SYT1: variants seen among roughly 807,000 people sequenced by gnomAD.
SYT1 encodes the protein synaptotagmin 1.
Under a neutral mutation model 44.8 loss-of-function variants are expected in SYT1, and 8 were observed. The ratio of observed to expected loss-of-function variants is 0.18; its 90% CI spans 0.10 to 0.32. The LOEUF (loss-of-function observed/expected upper bound fraction) is 0.32, where lower values mean the gene tolerates loss of function less well. SYT1 is among the 10% of genes least tolerant of loss of function. The probability of loss-of-function intolerance (pLI) is 1.00; values close to 1 mark genes in which losing one functional copy is unlikely to be tolerated. For missense variants in SYT1, 286 were observed against 509.3 expected (o/e 0.56, Z 4.22); for synonymous variants, 154 against 188.8 (o/e 0.82, Z 1.51).
chr12:79,106,066 A>C (rs1358323157), intron 3 of SYT1, among the ~76,000 whole-genome samples: 1 of 152,124 alleles, frequency 6.6e-6, no homozygotes, highest in Non-Finnish European at 1.5e-5. Flanking sequence ...AACCAGTTTG[A>C]GTCAGAAGAA....
intron 3 of SYT1, among the ~76,000 whole-genome samples, chr12:79,114,584 G>A (rs1879180530): frequency 6.6e-6 from 1 of 152,082 alleles, no homozygotes; most frequent in Admixed American, 6.6e-5. Flanking sequence ...ATCCAACTTT[G>A]GAGAAATTCC....
chr12:78,898,195 G>A (rs1382063935), intron 1 of SYT1, among the ~76,000 whole-genome samples: 2 of 151,942 alleles, frequency 1.3e-5, no homozygotes, highest in East Asian at 3.9e-4. Context: ...TGTAAAATTG[G>A]AATAAGACTA....
chr12:78,912,032 C>T (rs1005140386), intron 1 of SYT1, among the ~76,000 whole-genome samples: 4 of 151,818 alleles, frequency 2.6e-5, no homozygotes, highest in Non-Finnish European at 5.9e-5. Context: ...CATGACTTCC[C>T]AGGTGAGTTT....
At chr12:79,007,178 T>C (rs1257250941) in intron 2 of SYT1, among the ~76,000 whole-genome samples, 1 of 152,078 alleles carries the variant, frequency 6.6e-6, no homozygotes, top group Non-Finnish European at 1.5e-5. Flanking sequence ...CTCAAAATTA[T>C]GTGAGGGGAA....
rs549391359 is a variant in SYT1, at chr12:79,176,409, G to A, written c.-17-41094G>A. On this transcript the variant is annotated intron_variant, in intron 3 of 10. Transcript: ENST00000261205. ...AGAGATCTAATGTTACCCAGACCGA[G>A]TGGCAAAACTGAAGATAATGACCAC... Among the ~76,000 whole-genome samples the A allele has an allele frequency of 5.9e-5, 9 of 152,100 alleles. No homozygotes were observed. In the South Asian group the frequency reaches 1.9e-3, roughly 32 times the overall value.
intron 9 of SYT1, among the ~76,000 whole-genome samples, chr12:79,358,089 G>C (rs1883181569): frequency 6.6e-6 from 1 of 152,082 alleles, no homozygotes. Flanking sequence ...CTCAAGTTTG[G>C]TGTTTTGTTT....
intron 8 of SYT1, among the ~76,000 whole-genome samples, chr12:79,350,409 T>C (rs1461401842): frequency 6.6e-6 from 1 of 151,902 alleles, no homozygotes; most frequent in Non-Finnish European, 1.5e-5. Flanking sequence ...CCCGCCACCA[T>C]GCCCGGCTAA....
chr12:78,993,265 A>G (rs1870143723), intron 2 of SYT1, among the ~76,000 whole-genome samples: 1 of 152,190 alleles, frequency 6.6e-6, no homozygotes, highest in Non-Finnish European at 1.5e-5. Context: ...TCAAATATTG[A>G]CTGAGCTGCA....
rs183868586 is a variant in SYT1, at chr12:79,342,042, G to A, written c.811-11460G>A. 9.9e-5 allele frequency among the ~76,000 whole-genome samples: 15 copies of A among 152,042 alleles called. No individual in the cohort carries two copies. In the South Asian group the frequency reaches 1.5e-3, roughly 15 times the overall value. The stretch of plus-strand genomic sequence containing the variant: ...AAGCCTCTGAAAGTGTAGGTGGCGT[G>A]GCACAGTTAATGATATAAAGAAGGC... On this transcript the variant is annotated intron_variant, in intron 8 of 10. Coordinates refer to ENST00000261205, the MANE Select transcript of SYT1 (RefSeq NM_005639.3).
chr12:79,194,004 T>C (rs1298238960), intron 3 of SYT1, among the ~76,000 whole-genome samples: 1 of 152,174 alleles, frequency 6.6e-6, no homozygotes, highest in Non-Finnish European at 1.5e-5. Flanking sequence ...CATCTAACTG[T>C]TGTTGAACCC....
intron 1 of SYT1, among the ~76,000 whole-genome samples, chr12:78,865,967 T>C (rs1325053627): frequency 6.6e-6 from 1 of 151,986 alleles, no homozygotes; most frequent in African/African-American, 2.4e-5. Flanking sequence ...TGAGGTTTCT[T>C]GGTATGGCCT....
intron 2 of SYT1, among the ~76,000 whole-genome samples, chr12:79,022,226 C>A (rs2137628036): frequency 6.6e-6 from 1 of 151,846 alleles, no homozygotes; most frequent in African/African-American, 2.4e-5. Context: ...TCCCAAACAA[C>A]AGACTGAGTC....
At chr12:78,871,415 G>T (rs1873814018) in intron 1 of SYT1, among the ~76,000 whole-genome samples, 1 of 151,976 alleles carries the variant, frequency 6.6e-6, no homozygotes, top group South Asian at 2.1e-4. Context: ...AGAGCTAACT[G>T]AGTATCTTTT....
At chr12:79,214,183 G>A (rs1874638117) in intron 3 of SYT1, among the ~76,000 whole-genome samples, 1 of 152,038 alleles carries the variant, frequency 6.6e-6, no homozygotes, top group Non-Finnish European at 1.5e-5. Flanking sequence ...CAACATTTTT[G>A]TATTTTATGA....
rs1877991351 is a variant in SYT1 at position 79,094,495 on chromosome 12, CAT to C, written c.-18+47137_-18+47138del. 5.3e-5 allele frequency among the ~76,000 whole-genome samples: 8 copies of C among 151,796 alleles called. No individual in the cohort carries two copies. In the South Asian group the frequency reaches 1.7e-3, roughly 31 times the overall value. ...CACCATACATGCACACATGTATAAA[CAT>C]ATACAAACATACAGATAGGACACAA... On this transcript the variant is annotated intron_variant, in intron 3 of 10. Transcript: ENST00000261205.
At chr12:79,346,836 T>A (rs972219603) in intron 8 of SYT1, among the ~76,000 whole-genome samples, 1 of 152,196 alleles carries the variant, frequency 6.6e-6, no homozygotes, top group Non-Finnish European at 1.5e-5. Flanking sequence ...GCTTTTATTA[T>A]GTGCCTGGAG....
intron 8 of SYT1, among the ~76,000 whole-genome samples, chr12:79,328,704 G>A (rs1881717551): frequency 1.3e-5 from 2 of 151,978 alleles, no homozygotes; most frequent in Admixed American, 1.3e-4. Flanking sequence ...AAATTAGCCG[G>A]GCGTGGTGGC....
upstream of SYT1, chr12:78,863,990 C>G (rs917974019): frequency 6.6e-6 from 1 of 152,180 alleles, no homozygotes; most frequent in Non-Finnish European, 1.5e-5. Flanking sequence ...CTGCTTCTCC[C>G]GCATCTCGGC....
At chr12:78,976,352 G>A (rs899225880) in intron 1 of SYT1, among the ~76,000 whole-genome samples, 1 of 152,166 alleles carries the variant, frequency 6.6e-6, no homozygotes, top group Admixed American at 6.5e-5. Flanking sequence ...GTATCAGCCA[G>A]GCAAAATGTT....
Sources: allele counts gnomAD v4.1 joint callset (sites outside exome capture counted in the v4.1 genomes callset), GRCh38; gene constraint gnomAD v4.1.1; transcripts MANE v1.5; gene names NCBI Gene and HGNC (gene_info 2026-07-23, HGNC 2026-07-21).